Variants in USHBP1 observed in about 807,000 individuals in gnomAD.
USHBP1 encodes the protein USH1 protein network component harmonin binding protein 1, also known as harmonin-binding protein USHBP1.
Under a neutral mutation model 76.2 loss-of-function variants are expected in USHBP1, and 67 were observed. The observed-to-expected ratio is 0.88, with a 90% CI of 0.72 to 1.08. The LOEUF (loss-of-function observed/expected upper bound fraction) is 1.08. Among genes scored for constraint, USHBP1 ranks in the 50% least tolerant of loss-of-function variants. The pLI is 0.00. For synonymous variants in USHBP1, 322 were observed against 362.2 expected, an observed-to-expected ratio of 0.89 and a Z score of 1.26; for missense variants, 931 against 915.0, an observed-to-expected ratio of 1.02 and a Z score of -0.23.
intron 10 of USHBP1, among the ~76,000 whole-genome samples, chr19:17,253,021 T>C (rs2073571403): frequency 6.6e-6 from 1 of 152,012 alleles, no homozygotes; most frequent in East Asian, 2.0e-4. Context: ...CAGGCTAGAG[T>C]GCACTGGCGT....
chr19:17,263,778 T>C, intron 3 of USHBP1: 1 of 519,822 alleles, frequency 1.9e-6, no homozygotes, highest in South Asian at 3.8e-5. Context: ...AAGCTGAGGC[T>C]CCCGCTTGAA....
Position 17,259,974 on chromosome 19 carries a change from G to A in USHBP1, c.691C>T (p.Leu231Phe), listed in dbSNP as rs1001244532. 6.2e-7 allele frequency: 1 copy of A among 1,613,948 alleles called. No individual in the cohort carries two copies. Among genetic ancestry groups the A allele is most frequent in the African/African-American group, 1.3e-5 (1 of 74,920 alleles). ...GAGCCACCTGCTTGGTTGTGGGAAA[G>A]ATGTGGGCAGGGCTCCAGCCTCAAG... is the stretch of plus-strand genomic sequence containing the variant. Reference protein sequence around the residue: ...SLLRLEPCPHLSHNQAGGSGS... With the variant: ...SLLRLEPCPHFSHNQAGGSGS... Residue 231 changes from leucine to phenylalanine, a missense_variant, in exon 5 of 13, where the codon CTT becomes TTT. Transcript: ENST00000252597.
Position 17,250,147 on chromosome 19 carries a change from A to G in USHBP1, c.*78T>C, listed in dbSNP as rs1599462006. The G allele has an allele frequency of 2.7e-6, 4 of 1,474,514 alleles. No homozygotes were observed. Among genetic ancestry groups the G allele is most frequent in the Non-Finnish European group, 3.6e-6 (4 of 1,097,930 alleles). The allele number at this position is 1,474,514 out of a possible 1,614,324, so 91.3% of individuals were successfully genotyped here. ...GCCCCAACATGCCAAATCATGCAAC[A>G]TGACATGATGTCACTCCAGGACAGT... On this transcript the variant is annotated 3_prime_UTR_variant, in exon 13 of 13. Coordinates refer to ENST00000252597, the MANE Select transcript of USHBP1 (RefSeq NM_031941.4).
At chr19:17,260,169 C>A (rs2073670874) in intron 4 of USHBP1, 147 bp from the exon 5 acceptor site, 4 of 1,127,828 alleles carry the variant, frequency 3.5e-6, no homozygotes, top group Non-Finnish European at 4.8e-6. Context: ...ATCTCACTAT[C>A]TGACCTTGGG....
intron 5 of USHBP1, 35 bp downstream of exon 5, chr19:17,259,862 C>A: frequency 6.2e-7 from 1 of 1,603,234 alleles, no homozygotes; most frequent in African/African-American, 1.3e-5. Context: ...AGGCTAAGGA[C>A]ATCAAGACCA....
intron 12 of USHBP1, 59 bp from the exon 13 acceptor site, chr19:17,250,473 C>T (rs1228281317): frequency 2.6e-6 from 4 of 1,556,006 alleles, no homozygotes; most frequent in African/African-American, 1.4e-5. Flanking sequence ...AAGGCAAGGG[C>T]CGTGTACTCC....
At position 17,256,624 on chromosome 19, in the gene USHBP1, C is replaced by T. The variant is rs2145585024; in HGVS notation, c.1317G>A (p.Met439Ile). ...TGGGGCCAGGCTCTGAGAGAATCTT[C>T]ATTAGAGAACGGCGCTCCTGGAGAC... ...VQRLQERRSL[M>I]KILSEPGPTL... Residue 439 changes from methionine (M) to isoleucine (I), a missense_variant, in exon 9 of 13, where the codon ATG becomes ATA. Transcript: ENST00000252597. 6.2e-7 allele frequency: 1 copy of T among 1,614,188 alleles called. No homozygotes were observed. Among genetic ancestry groups the T allele is most frequent in the Non-Finnish European group, 8.5e-7 (1 of 1,180,030 alleles).
rs371303787 is a variant in USHBP1 at position 17,262,617 on chromosome 19, C to T, written c.577G>A (p.Glu193Lys). The change falls in exon 4 of 13, where the codon GAG becomes AAG. Residue 193 changes from glutamate (E) to lysine (K), a missense_variant. Glu to Lys is a moderately conservative substitution (Grantham distance 56). Coordinates refer to ENST00000252597, the MANE Select transcript of USHBP1 (RefSeq NM_031941.4). ...LRLALSSRED[E>K]LVRTQASLEA... ...AGGGAGGCCTGCGTGCGGACCAGCT[C>T]ATCCTCTCGGCTACTCAGGGCCAGC... is the stretch of plus-strand genomic sequence containing the variant. 16 of 1,613,804 alleles carry T rather than the reference C, an allele frequency of 9.9e-6. No homozygotes were observed. Among genetic ancestry groups the T allele is most frequent in the Non-Finnish European group, 1.4e-5 (16 of 1,180,012 alleles).
chr19:17,253,700 C>T (rs967391243), intron 10 of USHBP1, among the ~76,000 whole-genome samples: 3 of 149,072 alleles, frequency 2.0e-5, no homozygotes, highest in African/African-American at 4.9e-5. Flanking sequence ...TTGAGAGCAG[C>T]CTGGCCAACA....
chr19:17,250,263 G>A lies in USHBP1; in HGVS notation c.2074C>T (p.Pro692Ser). 1 of 1,613,166 alleles carries A rather than the reference G, an allele frequency of 6.2e-7. No homozygotes were observed. The highest frequency in any genetic ancestry group is 8.5e-7 in the Non-Finnish European group (1 of 1,179,754). The change falls in exon 13 of 13, where the codon CCC becomes TCC. Residue 692 changes from proline to serine, a missense_variant. Physicochemically the swap from Pro to Ser is moderately conservative, Grantham distance 74. Coordinates refer to ENST00000252597, the MANE Select transcript of USHBP1 (RefSeq NM_031941.4). ...TARALGKPRPPLPPPQLGDTF... is the reference protein window; with the variant it reads ...TARALGKPRPSLPPPQLGDTF... ...TCCCCAAGCTGGGGAGGCGGGAGGG[G>A]AGGCCTGGGCTTCCCCAGGGCCCTT... is the stretch of plus-strand genomic sequence containing the variant.
At chr19:17,261,147 A>G (rs1373173261) in intron 4 of USHBP1, among the ~76,000 whole-genome samples, 1 of 151,962 alleles carries the variant, frequency 6.6e-6, no homozygotes, top group Non-Finnish European at 1.5e-5. Context: ...CTTGCAGCCC[A>G]CGAGGCCCTA....
Position 17,264,112 on chromosome 19 carries a change from G to A in USHBP1, c.93C>T (p.Val31=), listed in dbSNP as rs1043635275. 10 of 1,613,968 alleles carry A rather than the reference G, an allele frequency of 6.2e-6. No homozygotes were observed. Among genetic ancestry groups the A allele is most frequent in the African/African-American group, 2.7e-5 (2 of 74,938 alleles). The change falls in exon 3 of 13, where the codon GTC becomes GTT. Residue 31 remains valine (V), a synonymous_variant. Coordinates refer to ENST00000252597, the MANE Select transcript of USHBP1 (RefSeq NM_031941.4). The part of the protein sequence containing the change: ...LDPVAESSEE[V]EAASGSSKPS... ...GCTTGGAGCTCCCACTGGCTGCCTC[G>A]ACCTCCTCTGAACTCTCAGCCACGG... is the stretch of plus-strand genomic sequence containing the variant.
rs983988635 is a variant in USHBP1, at chr19:17,256,602, G to A, written c.1339C>T (p.Pro447Ser). ...SLMKILSEPG[P>S]TLAPMPTVPR... ...ACAGTGGGCATGGGTGCCAAGGTGG[G>A]GCCAGGCTCTGAGAGAATCTTCATT... The change falls in exon 9 of 13, where the codon CCC (proline) becomes TCC (serine). Residue 447 changes from proline (P) to serine (S), a missense_variant. Physicochemically the swap from Pro to Ser is moderately conservative, Grantham distance 74. Transcript: ENST00000252597. The A allele has an allele frequency of 3.7e-6, 6 of 1,614,076 alleles. No individual in the cohort carries two copies. The African/African-American group carries it at 5.3e-5, about 14-fold the overall frequency.
At position 17,262,546 on chromosome 19, in the gene USHBP1, A is replaced by C. The variant is rs199538994; in HGVS notation, c.642+6T>G. The C allele has an allele frequency of 6.3e-7, 1 of 1,598,102 alleles. No homozygotes were observed. Among genetic ancestry groups the C allele is most frequent in the East Asian group, 2.2e-5 (1 of 44,554 alleles). Reference sequence around the variant, plus strand: ...GCCACATGGGACTCAGGATGGCCCCACTCACCTCTTTCTGCAGCGTCTCCT... The same window carrying C: ...GCCACATGGGACTCAGGATGGCCCCCCTCACCTCTTTCTGCAGCGTCTCCT... On this transcript the variant is annotated splice_donor_region_variant and intron_variant, in intron 4 of 12. Coordinates refer to ENST00000252597, the MANE Select transcript of USHBP1 (RefSeq NM_031941.4).
intron 10 of USHBP1, 30 bp downstream of exon 10, chr19:17,255,355 C>A (rs778489800): frequency 6.3e-7 from 1 of 1,598,694 alleles, no homozygotes; most frequent in South Asian, 1.1e-5. Flanking sequence ...GTAAGCTACT[C>A]CCCTACCAGG....
chr19:17,253,525 A>AGGC (rs1169135473), intron 10 of USHBP1, among the ~76,000 whole-genome samples: 1 of 146,568 alleles, frequency 6.8e-6, no homozygotes, highest in East Asian at 2.1e-4. Context: ...TCCTGACCTC[A>AGGC]TGATCCACCC....
At chr19:17,258,186 C>T (rs1444803104) in intron 8 of USHBP1, 26 bp downstream of exon 8, 2 of 1,612,208 alleles carry the variant, frequency 1.2e-6, no homozygotes, top group Middle Eastern at 1.8e-4. Flanking sequence ...TCAACCAGGC[C>T]AGTTCCCAGG....
rs1479671951 is a variant in USHBP1, at chr19:17,264,042, C to G, written c.163G>C (p.Gly55Arg). The G allele has an allele frequency of 6.2e-7, 1 of 1,611,170 alleles. No individual in the cohort carries two copies. ...PPVSSGLEQL[G>R]PMEEVSGQGL... is the part of the protein sequence containing the mutation. ...TGGCCACTGACCTCCTCCATGGGGC[C>G]CAGCTGCTCCAGCCCGGAGCTCACC... Residue 55 changes from glycine (G) to arginine (R), a missense_variant, in exon 3 of 13, where the codon GGC (glycine) becomes CGC (arginine). Coordinates refer to ENST00000252597, the MANE Select transcript of USHBP1 (RefSeq NM_031941.4).
chr19:17,252,080 C>A lies in USHBP1; in HGVS notation c.1693-63G>T, dbSNP rs372716637. On this transcript the variant is annotated intron_variant, in intron 10 of 12. Coordinates refer to ENST00000252597, the MANE Select transcript of USHBP1 (RefSeq NM_031941.4). ...AGGCCAAGTCCGTGCTTGGCCCACA[C>A]TGGACATTGGAGCTGCCCAGACAGT... 15 of 1,474,764 alleles carry A rather than the reference C, an allele frequency of 1.0e-5. No individual in the cohort carries two copies. The African/African-American group carries it at 2.1e-4, about 21-fold the overall frequency. 91.4% of individuals were successfully genotyped at this position (1,474,764 alleles called of 1,614,324 possible).
Sources: gnomAD v4.1 joint callset for allele counts (sites outside exome capture counted in the v4.1 genomes callset) on GRCh38, gnomAD v4.1.1 for gene constraint, MANE v1.5 for transcripts, NCBI Gene and HGNC (gene_info 2026-07-23, HGNC 2026-07-21) for gene names.